The following HTR2C variants were observed in gnomAD, a reference collection of about 807,000 sequenced individuals.
HTR2C encodes the protein 5-hydroxytryptamine (serotonin) receptor 2C, G protein-coupled.
In HTR2C, 5 loss-of-function variants were observed where a neutral mutation model predicts 21.0. The observed-to-expected ratio is 0.24, with a 90% confidence interval of 0.12 to 0.50. The LOEUF (loss-of-function observed/expected upper bound fraction) is 0.50, where lower values mean the gene tolerates loss of function less well. HTR2C is among the 20% of genes least tolerant of loss of function. The pLI, the probability that HTR2C is intolerant of heterozygous loss-of-function variation, is 0.98. For synonymous variants in HTR2C, 150 were observed against 145.3 expected (o/e 1.03, Z -0.23); for missense variants, 271 against 371.2 (o/e 0.73, Z 2.22).
At chrX:114,874,021 G>A (rs2071112456) in intron 5 of HTR2C, among the ~76,000 whole-genome samples, 1 of 105,754 alleles carries the variant, frequency 9.5e-6, no homozygotes, top group Non-Finnish European at 2.0e-5. Flanking sequence ...AAATAAGTGA[G>A]ATTATACAGT....
chrX:114,599,164 A>G (rs1193565315), intron 1 of HTR2C, among the ~76,000 whole-genome samples: 1 of 97,110 alleles, frequency 1.0e-5, no homozygotes, highest in Non-Finnish European at 2.1e-5. Context: ...GAAAGTTAAT[A>G]CAAGTATGTG....
chrX:114,804,530 A>G (rs1227310072), intron 4 of HTR2C, among the ~76,000 whole-genome samples: 2 of 112,095 alleles, frequency 1.8e-5, no homozygotes, highest in East Asian at 5.6e-4. Flanking sequence ...CAGCTTTAGT[A>G]TATGGATTCT....
chrX:114,664,510 G>A (rs1040209409), intron 2 of HTR2C, among the ~76,000 whole-genome samples: 5 of 111,727 alleles, frequency 4.5e-5, no homozygotes, highest in South Asian at 3.7e-4. Flanking sequence ...TGAGGATAAC[G>A]GCTTCAAGCT....
At chrX:114,837,591 A>G (rs1556464483) in intron 4 of HTR2C, among the ~76,000 whole-genome samples, 2 of 110,657 alleles carry the variant, frequency 1.8e-5, no homozygotes, top group African/African-American at 6.6e-5. Context: ...GACTAGTTAA[A>G]CCTCTAGATT....
chrX:114,659,175 A>G (rs1376390463), intron 2 of HTR2C, among the ~76,000 whole-genome samples: 1 of 111,247 alleles, frequency 9.0e-6, no homozygotes, highest in African/African-American at 3.3e-5. Flanking sequence ...CGAGAACAGC[A>G]ACATGGGGGT....
intron 2 of HTR2C, among the ~76,000 whole-genome samples, chrX:114,703,581 A>G (rs1268967992): frequency 8.9e-6 from 1 of 112,122 alleles, no homozygotes; most frequent in Admixed American, 9.5e-5. Context: ...GGAAATTTAT[A>G]GCACTAAATG....
At chrX:114,776,708 T>A in intron 4 of HTR2C, 3 of 455,861 alleles carry the variant, frequency 6.6e-6, no homozygotes, top group Non-Finnish European at 1.2e-5. Flanking sequence ...TACTTTTCCA[T>A]GCTGGAAAAC....
intron 4 of HTR2C, among the ~76,000 whole-genome samples, chrX:114,840,610 A>G (rs1284917171): frequency 9.0e-6 from 1 of 111,676 alleles, no homozygotes; most frequent in African/African-American, 3.3e-5. Context: ...AACTATTTGC[A>G]AAAAAATAAG....
chrX:114,646,713 T>G (rs782262989), intron 2 of HTR2C, among the ~76,000 whole-genome samples: 7 of 112,328 alleles, frequency 6.2e-5, no homozygotes, highest in African/African-American at 1.9e-4. Context: ...TTTTGTTGCC[T>G]GTGCTTTTGG....
Position 114,731,310 on chromosome X carries a change from C to T in HTR2C, c.52C>T (p.Leu18=). 8.4e-7 allele frequency: 1 copy of T among 1,197,416 alleles called. No homozygotes were observed. Among genetic ancestry groups the T allele is most frequent in the Non-Finnish European group, 1.1e-6 (1 of 885,450 alleles). The change falls in exon 4 of 6, where the codon CTA becomes TTA. Residue 18 remains leucine, a synonymous_variant. Coordinates refer to ENST00000276198, the MANE Select transcript of HTR2C (RefSeq NM_000868.4). ...VHSFLVHLIG[L]LVWQSDISVS... is the part of the protein sequence containing the mutation. ...AATTTTCAGTGTGCACCTAATTGGCCTATTGGTTTGGCAATCTGATATTTC... is the reference window on the plus strand; with the variant it reads ...AATTTTCAGTGTGCACCTAATTGGCTTATTGGTTTGGCAATCTGATATTTC...
At chrX:114,793,262 C>T (rs1335399918) in intron 4 of HTR2C, among the ~76,000 whole-genome samples, 1 of 111,363 alleles carries the variant, frequency 9.0e-6, no homozygotes, top group African/African-American at 3.3e-5. Flanking sequence ...TGATCCCATA[C>T]ATTAATATAT....
chrX:114,724,724 C>T (rs1410151432), intron 2 of HTR2C, among the ~76,000 whole-genome samples: 2 of 107,952 alleles, frequency 1.9e-5, no homozygotes, highest in Non-Finnish European at 3.8e-5. Flanking sequence ...GTGACAAAGT[C>T]TCTCAGCATT....
chrX:114,718,337 AATTT>A (rs1556420085), intron 2 of HTR2C, among the ~76,000 whole-genome samples: 3 of 112,083 alleles, frequency 2.7e-5, no homozygotes. Flanking sequence ...GATAGTTTGC[AATTT>A]ATTTCCAAAT....
chrX:114,639,407 G>C (rs1602655535), intron 2 of HTR2C: 1 of 113,139 alleles, frequency 8.8e-6, no homozygotes, highest in African/African-American at 3.3e-5. Flanking sequence ...AAGAATCCTG[G>C]TGTGTTCGGG....
intron 4 of HTR2C, among the ~76,000 whole-genome samples, chrX:114,833,974 G>C (rs1369919066): frequency 1.8e-5 from 2 of 109,349 alleles, no homozygotes; most frequent in Admixed American, 2.0e-4. Context: ...TAGTCATTCA[G>C]GAGCAGGTTG....
At chrX:114,621,485 T>C (rs1023575) in intron 2 of HTR2C, among the ~76,000 whole-genome samples, 3,847 of 111,900 alleles carry the variant, frequency 0.034, 172 homozygotes, top group African/African-American at 0.12. Flanking sequence ...ATTTTTTCAA[T>C]CGTATAAAAA....
intron 5 of HTR2C, among the ~76,000 whole-genome samples, chrX:114,896,240 T>C (rs2071296381): frequency 8.9e-6 from 1 of 111,867 alleles, no homozygotes; most frequent in South Asian, 3.7e-4. Context: ...CTATATAAGA[T>C]TGCAGTCTTT....
chrX:114,861,859 T>C (rs1207728268), intron 5 of HTR2C, among the ~76,000 whole-genome samples: 1 of 111,759 alleles, frequency 8.9e-6, no homozygotes, highest in Admixed American at 9.5e-5. Context: ...GTGAACAAGT[T>C]ATTGATAAAT....
At chrX:114,883,119 A>G (rs1251026866) in intron 5 of HTR2C, among the ~76,000 whole-genome samples, 2 of 109,912 alleles carry the variant, frequency 1.8e-5, no homozygotes, top group East Asian at 2.8e-4. Flanking sequence ...AAATTTGACC[A>G]TTTTATCTGA....
Sources: allele counts gnomAD v4.1 joint callset (sites outside exome capture counted in the v4.1 genomes callset), GRCh38; gene constraint gnomAD v4.1.1; transcripts MANE v1.5; gene names NCBI Gene and HGNC (gene_info 2026-07-23, HGNC 2026-07-21).